FAM177A1: variants seen among roughly 807,000 people sequenced by gnomAD.
The protein encoded by FAM177A1 is family with sequence similarity 177 member A1.
In FAM177A1, 22 loss-of-function variants were observed where a neutral mutation model predicts 26.1. The ratio of observed to expected loss-of-function variants is 0.84; its 90% confidence interval spans 0.60 to 1.20. The LOEUF (loss-of-function observed/expected upper bound fraction) is 1.20. Among genes scored for constraint, FAM177A1 ranks in the 50% most tolerant of loss-of-function variants. The pLI is 0.00. For missense variants in FAM177A1, 296 were observed against 291.1 expected (o/e 1.02, Z -0.12); for synonymous variants, 95 against 99.3 (o/e 0.96, Z 0.26).
intron 2 of FAM177A1, among the ~76,000 whole-genome samples, chr14:35,072,822 T>C (rs2045342666): frequency 6.6e-6 from 1 of 152,150 alleles, no homozygotes; most frequent in Non-Finnish European, 1.5e-5. Flanking sequence ...TTCTCCGAGA[T>C]CCAAATTTTG....
At position 35,053,423 on chromosome 14, in the gene FAM177A1, A is replaced by G; in HGVS notation, c.311A>G (p.Lys104Arg). 6.2e-7 allele frequency: 1 copy of G among 1,614,116 alleles called. No individual in the cohort carries two copies. Among genetic ancestry groups the G allele is most frequent in the Non-Finnish European group, 8.5e-7 (1 of 1,180,018 alleles). ...GAAGACGAAGTTGATGGCCTGGAGA[A>G]GAAAGATGTTTTGCCTACTGTTGAT... is the stretch of plus-strand genomic sequence containing the variant. ...TDEDEVDGLE[K>R]KDVLPTVDPT... Residue 104 changes from lysine to arginine, a missense_variant, in exon 2 of 5, where the codon AAG becomes AGG. By Grantham distance (26) the Lys-to-Arg change is conservative (BLOSUM62 2). Coordinates refer to ENST00000280987, the MANE Select transcript of FAM177A1 (RefSeq NM_173607.5).
chr14:35,064,451 A>T lies in FAM177A1; in HGVS notation c.339+11000A>T, dbSNP rs577701921. 3.3e-5 allele frequency among the ~76,000 whole-genome samples: 5 copies of T among 152,256 alleles called. No individual in the cohort carries two copies. The South Asian group carries it at 1.0e-3, about 32-fold the overall frequency. On this transcript the variant is annotated intron_variant, in intron 2 of 4. Coordinates refer to ENST00000280987, the MANE Select transcript of FAM177A1 (RefSeq NM_173607.5). The stretch of plus-strand genomic sequence containing the variant: ...CAATATGAGCTGTTACTGTACTGTC[A>T]GTTGGTAGCTTTATGTTATAACTCA...
intron 2 of FAM177A1, among the ~76,000 whole-genome samples, chr14:35,063,447 G>A (rs1175291962): frequency 6.6e-6 from 1 of 151,408 alleles, no homozygotes; most frequent in African/African-American, 2.4e-5. Context: ...GCATGGGGGC[G>A]GGTGCCTGTA....
chr14:35,048,910 A>G (rs2044918731), intron 1 of FAM177A1, among the ~76,000 whole-genome samples: 1 of 149,592 alleles, frequency 6.7e-6, no homozygotes, highest in African/African-American at 2.5e-5. Context: ...TTTTTTTTTA[A>G]GACGGAGTCT....
intron 2 of FAM177A1, among the ~76,000 whole-genome samples, chr14:35,068,723 A>G (rs1189208528): frequency 1.3e-5 from 2 of 152,170 alleles, no homozygotes; most frequent in East Asian, 3.8e-4. Flanking sequence ...TTGTGCTGCT[A>G]TAATGGAATA....
At chr14:35,067,985 T>C (rs1231663470) in intron 2 of FAM177A1, among the ~76,000 whole-genome samples, 3 of 152,200 alleles carry the variant, frequency 2.0e-5, no homozygotes, top group Admixed American at 6.5e-5. Flanking sequence ...GTCACTTCAC[T>C]GTGTTGATTG....
At chr14:35,054,290 G>A (rs1028040962) in intron 2 of FAM177A1, among the ~76,000 whole-genome samples, 14 of 152,288 alleles carry the variant, frequency 9.2e-5, no homozygotes, top group Admixed American at 4.6e-4. Flanking sequence ...TCTGAACTTT[G>A]TGTGCCTTAT....
chr14:35,080,762 C>G (rs573375144), intron 4 of FAM177A1, among the ~76,000 whole-genome samples: 1 of 152,064 alleles, frequency 6.6e-6, no homozygotes, highest in African/African-American at 2.4e-5. Flanking sequence ...TGCACTCCAG[C>G]CTGGGTGACA....
intron 2 of FAM177A1, among the ~76,000 whole-genome samples, chr14:35,072,849 AC>A (rs371152758): frequency 6.7e-6 from 1 of 150,138 alleles, no homozygotes; most frequent in African/African-American, 2.5e-5. Flanking sequence ...TCCACCCTCC[AC>A]CCCCCCTTTC....
intron 2 of FAM177A1, among the ~76,000 whole-genome samples, chr14:35,063,225 AATTG>A (rs1293608475): frequency 6.6e-6 from 1 of 151,872 alleles, no homozygotes; most frequent in Non-Finnish European, 1.5e-5. Flanking sequence ...GAGTTTATAA[AATTG>A]ATTTATGACT....
chr14:35,079,278 A>T (rs1487368187), intron 4 of FAM177A1, among the ~76,000 whole-genome samples: 1 of 152,222 alleles, frequency 6.6e-6, no homozygotes, highest in Non-Finnish European at 1.5e-5. Context: ...GATGCCTTAT[A>T]TACATTATTT....
intron 3 of FAM177A1, among the ~76,000 whole-genome samples, chr14:35,077,468 C>CTTTTTT (rs150813883): frequency 4.7e-4 from 37 of 79,532 alleles, no homozygotes; most frequent in Non-Finnish European, 5.3e-4. Flanking sequence ...TTTTCAAGTT[C>CTTTTTT]TTTTTTTTTT....
At chr14:35,045,380 G>A (rs1363193011), upstream of FAM177A1, among the ~76,000 whole-genome samples, 1 of 152,156 alleles carries the variant, frequency 6.6e-6, no homozygotes, top group Non-Finnish European at 1.5e-5. Context: ...ATAACATTAG[G>A]CAGAGGGTAA....
At chr14:35,066,213 T>G (rs973218897) in intron 2 of FAM177A1, among the ~76,000 whole-genome samples, 1 of 151,832 alleles carries the variant, frequency 6.6e-6, no homozygotes, top group Non-Finnish European at 1.5e-5. Flanking sequence ...ACTACAGATA[T>G]AGGCCACCAC....
In FAM177A1 at chr14:35,046,474, G is replaced by T; in HGVS notation, c.11G>T (p.Gly4Val). 1 of 1,587,992 alleles carries T rather than the reference G, an allele frequency of 6.3e-7. No individual in the cohort carries two copies. The highest frequency in any genetic ancestry group is 8.6e-7 in the Non-Finnish European group (1 of 1,168,010). MEV[G>V]LPAITLFLTS... ...GCGGGGAGACCAAGGATGGAAGTGG[G>T]CTTACCGGCCATTACCCTCTTTCTC... Residue 4 changes from glycine to valine, a missense_variant, in exon 1 of 5, where the codon GGC (glycine) becomes GTC (valine). Transcript: ENST00000280987.
intron 1 of FAM177A1, chr14:35,046,951 C>G: frequency 8.9e-7 from 1 of 1,127,378 alleles, no homozygotes; most frequent in Non-Finnish European, 1.1e-6. Context: ...TAGCTGGAAG[C>G]CAGGTGAGGG....
At chr14:35,064,581 C>A (rs1283859274) in intron 2 of FAM177A1, among the ~76,000 whole-genome samples, 1 of 152,072 alleles carries the variant, frequency 6.6e-6, no homozygotes, top group Non-Finnish European at 1.5e-5. Context: ...TGTGACTATA[C>A]ATGTTGACTA....
chr14:35,059,911 T>C (rs903233825), intron 2 of FAM177A1, among the ~76,000 whole-genome samples: 7 of 152,168 alleles, frequency 4.6e-5, no homozygotes, highest in African/African-American at 1.7e-4. Context: ...ATGATCCACC[T>C]TCCTTGGCTT....
rs2045510881 is a variant in FAM177A1, at chr14:35,083,056, C to T, written c.*1828C>T. On this transcript the variant is annotated 3_prime_UTR_variant, in exon 5 of 5. Coordinates refer to ENST00000280987, the MANE Select transcript of FAM177A1 (RefSeq NM_173607.5). Reference sequence around the variant, plus strand: ...TAGTTCTAAAACATGCTAACCTGACCTTTTCCTTCTAATTTGTTTTTAACT... The same window carrying T: ...TAGTTCTAAAACATGCTAACCTGACTTTTTCCTTCTAATTTGTTTTTAACT... 6.6e-6 allele frequency: 1 copy of T among 152,222 alleles called. No homozygotes were observed. Among genetic ancestry groups the T allele is most frequent in the African/African-American group, 2.4e-5 (1 of 41,414 alleles). 9.4% of individuals were successfully genotyped at this position (152,222 alleles called of 1,614,324 possible).
Sources: allele counts gnomAD v4.1 joint callset (sites outside exome capture counted in the v4.1 genomes callset), GRCh38; gene constraint gnomAD v4.1.1; transcripts MANE v1.5; gene names NCBI Gene and HGNC (gene_info 2026-07-23, HGNC 2026-07-21).